NARS2: variants seen among roughly 807,000 people sequenced by gnomAD.
NARS2 encodes the protein asparaginyl-tRNA synthetase.
In NARS2, 60 loss-of-function variants were observed where a neutral mutation model predicts 62.9. That is an observed-to-expected ratio of 0.95 (90% confidence interval 0.77 to 1.18). NARS2 has a LOEUF of 1.18. NARS2 is among the 50% of genes most tolerant of loss of function. The pLI, the probability that NARS2 is intolerant of heterozygous loss-of-function variation, is 0.00. For synonymous variants in NARS2, 196 were observed against 200.0 expected (o/e 0.98, Z 0.17); for missense variants, 619 against 576.4 (o/e 1.07, Z -0.76).
At chr11:78,571,963 C>T (rs893489847) in intron 1 of NARS2, among the ~76,000 whole-genome samples, 3 of 152,128 alleles carry the variant, frequency 2.0e-5, no homozygotes, top group Non-Finnish European at 4.4e-5. Context: ...GGACGGATCA[C>T]TTGAGGTCGG....
chr11:78,549,610 C>G (rs909405756), intron 5 of NARS2, among the ~76,000 whole-genome samples: 1 of 152,192 alleles, frequency 6.6e-6, no homozygotes, highest in Non-Finnish European at 1.5e-5. Flanking sequence ...AAACGCTGCC[C>G]TTGAAAACTA....
At chr11:78,547,933 T>C (rs966942396) in intron 5 of NARS2, among the ~76,000 whole-genome samples, 1 of 148,962 alleles carries the variant, frequency 6.7e-6, no homozygotes, top group Non-Finnish European at 1.5e-5. Flanking sequence ...AAACAGGCTA[T>C]AGTAGGCCAG....
chr11:78,479,315 G>C (rs1226246936), intron 7 of NARS2, among the ~76,000 whole-genome samples: 1 of 152,046 alleles, frequency 6.6e-6, no homozygotes, highest in Non-Finnish European at 1.5e-5. Flanking sequence ...ACCAGCCTAG[G>C]CAACATGGCA....
chr11:78,546,144 C>T (rs1275886304), intron 5 of NARS2, among the ~76,000 whole-genome samples: 1 of 152,172 alleles, frequency 6.6e-6, no homozygotes, highest in Admixed American at 6.5e-5. Context: ...AGGCTAGATT[C>T]AGCTAGATAT....
At chr11:78,551,360 A>C (rs80352643) in intron 5 of NARS2, among the ~76,000 whole-genome samples, 4,953 of 152,282 alleles carry the variant, frequency 0.033, 269 homozygotes, top group African/African-American at 0.11. Context: ...TGGCAATTGT[A>C]ACACAATGGT....
chr11:78,498,667 C>T (rs1247761370), intron 6 of NARS2, among the ~76,000 whole-genome samples: 2 of 97,480 alleles, frequency 2.1e-5, no homozygotes, highest in African/African-American at 8.5e-5. Context: ...CTTCCCAATA[C>T]GCTCTTTTTT....
intron 4 of NARS2, among the ~76,000 whole-genome samples, chr11:78,563,805 T>A (rs1856633118): frequency 9.9e-6 from 1 of 100,874 alleles, no homozygotes; most frequent in African/African-American, 4.0e-5. Flanking sequence ...CACTCCAGCC[T>A]GGGCAACAGA....
intron 11 of NARS2, among the ~76,000 whole-genome samples, chr11:78,451,923 G>A (rs1173236698): frequency 3.9e-5 from 6 of 152,096 alleles, no homozygotes. Context: ...TTGCATGCCA[G>A]GCTCTCCAAA....
intron 7 of NARS2, among the ~76,000 whole-genome samples, chr11:78,482,186 A>G (rs1411391035): frequency 6.6e-6 from 1 of 152,190 alleles, no homozygotes; most frequent in African/African-American, 2.4e-5. Flanking sequence ...AAATAAATTG[A>G]CTACAACCTA....
At chr11:78,512,366 G>C (rs958635873) in intron 6 of NARS2, among the ~76,000 whole-genome samples, 1 of 152,072 alleles carries the variant, frequency 6.6e-6, no homozygotes, top group African/African-American at 2.4e-5. Flanking sequence ...CACTACCTTG[G>C]CTTTTCTCTG....
chr11:78,438,069 C>T (rs776527288), intron 13 of NARS2, among the ~76,000 whole-genome samples: 3 of 151,286 alleles, frequency 2.0e-5, no homozygotes, highest in African/African-American at 7.3e-5. Flanking sequence ...TATAATAAGA[C>T]GTAAGCAACA....
intron 5 of NARS2, among the ~76,000 whole-genome samples, chr11:78,551,506 T>C (rs1278781518): frequency 6.6e-6 from 1 of 152,224 alleles, no homozygotes; most frequent in Non-Finnish European, 1.5e-5. Context: ...ATGACTACAC[T>C]TTCATATTTT....
At chr11:78,536,601 T>C (rs1855354758) in intron 5 of NARS2, among the ~76,000 whole-genome samples, 1 of 152,158 alleles carries the variant, frequency 6.6e-6, no homozygotes, top group African/African-American at 2.4e-5. Context: ...GAAAATATTT[T>C]TGTACTCATA....
chr11:78,505,688 T>A lies in NARS2; in HGVS notation c.690-12493A>T, dbSNP rs142054863. ...CTAATCACTGTGGAAAATACAGAGGTAAATCAGGTATGGCCTGTACCTTCA... is the reference window on the plus strand; with the variant it reads ...CTAATCACTGTGGAAAATACAGAGGAAAATCAGGTATGGCCTGTACCTTCA... On this transcript the variant is annotated intron_variant, in intron 6 of 13. Transcript: ENST00000281038. Among the ~76,000 whole-genome samples the A allele has an allele frequency of 6.9e-3, 1,052 of 152,248 alleles. 12 individuals are homozygous for A. Among genetic ancestry groups the A allele is most frequent in the African/African-American group, 0.024 (989 of 41,552 alleles).
rs146900529 is a variant in NARS2 at position 78,478,662 on chromosome 11, C to G, written c.844G>C (p.Ala282Pro). ...TTTGAGAGAACCATCATTGTTGTAG[C>G]CTTGAACAGTTCCTCTATAACCTAA... ...LMQVIEELFK[A>P]TTMMVLSKCP... Residue 282 changes from alanine (A) to proline (P), a missense_variant, in exon 8 of 14, where the codon GCT (alanine) becomes CCT (proline). Coordinates refer to ENST00000281038, the MANE Select transcript of NARS2 (RefSeq NM_024678.6). 6.2e-7 allele frequency: 1 copy of G among 1,609,956 alleles called. No individual in the cohort carries two copies.
At chr11:78,500,839 T>C (rs117096234) in intron 6 of NARS2, among the ~76,000 whole-genome samples, 2,450 of 152,328 alleles carry the variant, frequency 0.016, 40 homozygotes, top group South Asian at 0.058. Context: ...ATGCCTGTAA[T>C]CCAAACACTT....
chr11:78,446,049 C>T (rs1449992421), intron 11 of NARS2, among the ~76,000 whole-genome samples: 1 of 152,036 alleles, frequency 6.6e-6, no homozygotes, highest in Non-Finnish European at 1.5e-5. Context: ...GCCCAAGAAC[C>T]TGAAGGTAAA....
chr11:78,550,781 A>C lies in NARS2; in HGVS notation c.594+8758T>G, dbSNP rs1374600087. Among the ~76,000 whole-genome samples, 4 of 152,240 alleles carry C rather than the reference A, an allele frequency of 2.6e-5. No individual in the cohort carries two copies. In the East Asian group the frequency reaches 7.7e-4, roughly 29 times the overall value. ...AATTCATCCACACAAAAACTTTTCA[A>C]AAATGTTCATAGCAGCATTTTTCAT... is the stretch of plus-strand genomic sequence containing the variant. On this transcript the variant is annotated intron_variant, in intron 5 of 13. Transcript: ENST00000281038.
chr11:78,560,081 A>T (rs1463059945), intron 4 of NARS2, among the ~76,000 whole-genome samples: 1 of 151,882 alleles, frequency 6.6e-6, no homozygotes, highest in Non-Finnish European at 1.5e-5. Flanking sequence ...ATACAAAGCG[A>T]TCAGTATAAA....
Sources: gnomAD v4.1 joint callset for allele counts (sites outside exome capture counted in the v4.1 genomes callset) on GRCh38, gnomAD v4.1.1 for gene constraint, MANE v1.5 for transcripts, NCBI Gene and HGNC (gene_info 2026-07-23, HGNC 2026-07-21) for gene names.